Variants in ABCA13 observed in about 807,000 individuals in gnomAD.
ABCA13 encodes the protein ATP binding cassette subfamily A member 13, also known as ATP-binding cassette sub-family A member 13.
ABCA13 carries 476 observed loss-of-function variants against 478.7 expected under a neutral mutation model. That is an observed-to-expected ratio of 0.99 (90% confidence interval 0.92 to 1.07). The LOEUF is 1.07. Among genes scored for constraint, ABCA13 ranks in the 50% least tolerant of loss-of-function variants. ABCA13 has a pLI of 0.00. For missense variants in ABCA13, 6,060 were observed against 5,910.6 expected (o/e 1.03, Z -0.83); for synonymous variants, 2,252 against 2,158.9 (o/e 1.04, Z -1.20).
At chr7:48,511,635 CT>C (rs879802575) in intron 51 of ABCA13, among the ~76,000 whole-genome samples, 38 of 152,040 alleles carry the variant, frequency 2.5e-4, no homozygotes, top group Middle Eastern at 3.4e-3. Context: ...ATTTCTATCA[CT>C]TTTTTTTCAG....
intron 30 of ABCA13, among the ~76,000 whole-genome samples, chr7:48,351,338 A>T (rs1584965622): frequency 6.6e-6 from 1 of 152,182 alleles, no homozygotes; most frequent in East Asian, 1.9e-4. Context: ...TTTTTAATTG[A>T]GGTTTTGTAT....
At chr7:48,264,759 A>G (rs112690239) in intron 15 of ABCA13, among the ~76,000 whole-genome samples, 2,174 of 151,800 alleles carry the variant, frequency 0.014, 21 homozygotes, top group Middle Eastern at 0.054. Context: ...GTAATCCAGG[A>G]GAAACATTTT....
chr7:48,290,468 C>G (rs1022953220), intron 20 of ABCA13, among the ~76,000 whole-genome samples: 2 of 152,130 alleles, frequency 1.3e-5, no homozygotes, highest in Non-Finnish European at 2.9e-5. Context: ...TCAACTTTGG[C>G]CTAGATGCCT....
intron 59 of ABCA13, among the ~76,000 whole-genome samples, chr7:48,641,109 A>C (rs1411318055): frequency 1.3e-5 from 2 of 152,206 alleles, no homozygotes; most frequent in Non-Finnish European, 2.9e-5. Flanking sequence ...CTTATAGAGA[A>C]TTTATTAGAT....
At chr7:48,588,510 G>T (rs1243907029) in intron 57 of ABCA13, among the ~76,000 whole-genome samples, 1 of 152,092 alleles carries the variant, frequency 6.6e-6, no homozygotes, top group Non-Finnish European at 1.5e-5. Flanking sequence ...AGCTTTCCTT[G>T]GATGCCCAAA....
chr7:48,539,743 C>G (rs754207625), intron 55 of ABCA13, among the ~76,000 whole-genome samples: 1 of 152,264 alleles, frequency 6.6e-6, no homozygotes, highest in African/African-American at 2.4e-5. Context: ...GAAATAATAA[C>G]TCAAATGTTT....
chr7:48,606,172 C>T (rs921633039), intron 58 of ABCA13, among the ~76,000 whole-genome samples: 5 of 152,116 alleles, frequency 3.3e-5, no homozygotes, highest in Non-Finnish European at 7.4e-5. Context: ...TCCTTTAGCT[C>T]GGAGGAGTTT....
intron 60 of ABCA13, 125 bp from the exon 61 acceptor site, chr7:48,644,492 C>A: frequency 9.5e-7 from 1 of 1,057,284 alleles, no homozygotes. Context: ...ATTGGAGACT[C>A]ACAAAATTAA....
At chr7:48,414,610 T>A (rs1416848805) in intron 41 of ABCA13, among the ~76,000 whole-genome samples, 1 of 150,558 alleles carries the variant, frequency 6.6e-6, no homozygotes, top group Admixed American at 6.6e-5. Flanking sequence ...ATACATATAT[T>A]ACATGTAATA....
chr7:48,189,964 G>A (rs1306023558), intron 1 of ABCA13, among the ~76,000 whole-genome samples: 1 of 152,144 alleles, frequency 6.6e-6, no homozygotes, highest in Non-Finnish European at 1.5e-5. Flanking sequence ...GCAACTGGAA[G>A]AACAGAGAGT....
At chr7:48,401,580 A>T (rs2129071294) in intron 38 of ABCA13, among the ~76,000 whole-genome samples, 1 of 152,270 alleles carries the variant, frequency 6.6e-6, no homozygotes, top group Non-Finnish European at 1.5e-5. Context: ...TTGCTCTTTG[A>T]TGCCCCTACC....
At chr7:48,427,554 T>C (rs1288417154) in intron 41 of ABCA13, among the ~76,000 whole-genome samples, 1 of 152,214 alleles carries the variant, frequency 6.6e-6, no homozygotes, top group Non-Finnish European at 1.5e-5. Context: ...CACAGTCAAG[T>C]TTCATTCATC....
chr7:48,341,138 TATA>T (rs1366703854), intron 29 of ABCA13, among the ~76,000 whole-genome samples: 1 of 152,212 alleles, frequency 6.6e-6, no homozygotes, highest in Non-Finnish European at 1.5e-5. Flanking sequence ...GGCTATGCAT[TATA>T]ATGACATTCC....
intron 59 of ABCA13, among the ~76,000 whole-genome samples, chr7:48,641,729 A>T (rs942005908): frequency 1.3e-5 from 2 of 152,184 alleles, no homozygotes; most frequent in African/African-American, 4.8e-5. Context: ...CACAGCTGAG[A>T]GCTCTCCCAG....
At position 48,305,240 on chromosome 7, in the gene ABCA13, T is replaced by C. The variant is rs897338392; in HGVS notation, c.9322-4707T>C. Among the ~76,000 whole-genome samples the C allele has an allele frequency of 5.3e-5, 8 of 151,756 alleles. No individual in the cohort carries two copies. In the South Asian group the frequency reaches 8.3e-4, roughly 16 times the overall value. ...TGAAGTGTGTAGATGTTAAGCAGCT[T>C]TCAGGAAGTCAGACGGTAAGAGCTG... On this transcript the variant is annotated intron_variant, in intron 23 of 61. Transcript: ENST00000435803.
At chr7:48,645,269 T>C (rs1795367312) in intron 61 of ABCA13, 148 bp from the exon 62 acceptor site, 2 of 593,396 alleles carry the variant, frequency 3.4e-6, no homozygotes, top group Non-Finnish European at 3.0e-6. Context: ...TATATATTTA[T>C]GTGATTTGGG....
At chr7:48,276,637 T>G in intron 17 of ABCA13, 72 bp downstream of exon 17, 1 of 1,264,578 alleles carries the variant, frequency 7.9e-7, no homozygotes, top group South Asian at 1.3e-5. Context: ...TTCTGGAGTA[T>G]AGACATGTCA....
intron 59 of ABCA13, among the ~76,000 whole-genome samples, chr7:48,633,566 C>T (rs1179023317): frequency 6.6e-6 from 1 of 151,928 alleles, no homozygotes; most frequent in Non-Finnish European, 1.5e-5. Flanking sequence ...AAATCTTGAA[C>T]CACAATGGAA....
chr7:48,459,612 G>T (rs917465145), intron 43 of ABCA13, among the ~76,000 whole-genome samples: 2 of 152,100 alleles, frequency 1.3e-5, no homozygotes, highest in African/African-American at 4.8e-5. Flanking sequence ...GCTTAACTTA[G>T]TGCGGGAGAT....
Sources: gnomAD v4.1 joint callset for allele counts (sites outside exome capture counted in the v4.1 genomes callset) on GRCh38, gnomAD v4.1.1 for gene constraint, MANE v1.5 for transcripts, NCBI Gene and HGNC (gene_info 2026-07-23, HGNC 2026-07-21) for gene names.